TRDN: variants seen among roughly 807,000 people sequenced by gnomAD.
TRDN encodes the protein triadin.
Under a neutral mutation model 149.7 loss-of-function variants are expected in TRDN, and 161 were observed. The ratio of observed to expected loss-of-function variants is 1.08; its 90% CI spans 0.95 to 1.23. The LOEUF is 1.23. Among genes scored for constraint, TRDN ranks in the 50% most tolerant of loss-of-function variants. The probability of loss-of-function intolerance (pLI) is 0.00; values close to 1 mark genes in which losing one functional copy is unlikely to be tolerated. For missense variants in TRDN, 896 were observed against 823.5 expected, an observed-to-expected ratio of 1.09 and a Z score of -1.08; for synonymous variants, 294 against 250.5, an observed-to-expected ratio of 1.17 and a Z score of -1.64.
chr6:123,237,249 T>C (rs1416997693), intron 38 of TRDN, among the ~76,000 whole-genome samples: 1 of 152,132 alleles, frequency 6.6e-6, no homozygotes, highest in East Asian at 1.9e-4. Flanking sequence ...CTTTATACCC[T>C]ACTACTTTGT....
intron 2 of TRDN, among the ~76,000 whole-genome samples, chr6:123,561,293 G>A (rs1465720249): frequency 3.3e-5 from 5 of 152,066 alleles, no homozygotes; most frequent in Non-Finnish European, 7.4e-5. Context: ...TCAATCTTCA[G>A]GAATGGTAGA....
At chr6:123,220,140 T>G (rs1027517794) in intron 40 of TRDN, among the ~76,000 whole-genome samples, 2 of 151,878 alleles carry the variant, frequency 1.3e-5, no homozygotes, top group Non-Finnish European at 2.9e-5. Flanking sequence ...TGACACCATT[T>G]TACTAAAAGT....
chr6:123,606,198 A>G (rs919859395), intron 1 of TRDN, among the ~76,000 whole-genome samples: 2 of 152,144 alleles, frequency 1.3e-5, no homozygotes, highest in African/African-American at 4.8e-5. Flanking sequence ...TAGTTTAAGT[A>G]TCAACTTTAT....
chr6:123,492,032 A>C (rs1778245083), intron 9 of TRDN, among the ~76,000 whole-genome samples: 1 of 152,198 alleles, frequency 6.6e-6, no homozygotes, highest in Non-Finnish European at 1.5e-5. Flanking sequence ...ATCTTAATAA[A>C]ATGAGAGTAC....
At chr6:123,439,904 T>A (rs1774778917) in intron 10 of TRDN, 1 of 152,236 alleles carries the variant, frequency 6.6e-6, no homozygotes, top group Non-Finnish European at 1.5e-5. Context: ...CTGATTTTTA[T>A]CTTCAATTAG....
At chr6:123,569,299 A>T (rs1782442475) in intron 2 of TRDN, among the ~76,000 whole-genome samples, 1 of 152,132 alleles carries the variant, frequency 6.6e-6, no homozygotes. Flanking sequence ...TGTTCATATC[A>T]GTATCAGCAT....
chr6:123,384,301 T>C (rs1191125107), intron 14 of TRDN, among the ~76,000 whole-genome samples: 1 of 152,118 alleles, frequency 6.6e-6, no homozygotes, highest in Non-Finnish European at 1.5e-5. Context: ...AAGTTGTCAG[T>C]TAGTTTGACT....
chr6:123,247,386 G>C (rs1394972692), intron 38 of TRDN, among the ~76,000 whole-genome samples: 2 of 152,164 alleles, frequency 1.3e-5, no homozygotes, highest in Admixed American at 1.3e-4. Context: ...TAGCTAATAA[G>C]CAACTTCTGC....
At chr6:123,482,731 C>T (rs1777801176) in intron 9 of TRDN, among the ~76,000 whole-genome samples, 1 of 152,100 alleles carries the variant, frequency 6.6e-6, no homozygotes, top group Non-Finnish European at 1.5e-5. Flanking sequence ...TCTATTTGCA[C>T]TCACTTCCTA....
At chr6:123,558,689 A>AT (rs1454983319) in intron 2 of TRDN, among the ~76,000 whole-genome samples, 2 of 152,314 alleles carry the variant, frequency 1.3e-5, no homozygotes, top group Non-Finnish European at 2.9e-5. Context: ...TCCAAAAATT[A>AT]AATTCCAGCC....
intron 24 of TRDN, among the ~76,000 whole-genome samples, chr6:123,295,748 G>A (rs1028482254): frequency 6.6e-6 from 1 of 151,954 alleles, no homozygotes; most frequent in African/African-American, 2.4e-5. Flanking sequence ...TGGATCACTC[G>A]AGACCAGGAG....
chr6:123,407,397 T>G (rs920734088), intron 12 of TRDN, among the ~76,000 whole-genome samples: 1 of 152,178 alleles, frequency 6.6e-6, no homozygotes, highest in Non-Finnish European at 1.5e-5. Flanking sequence ...CCCTCCAAAG[T>G]AAATACTATC....
intron 16 of TRDN, among the ~76,000 whole-genome samples, chr6:123,380,021 A>C (rs2114411672): frequency 6.6e-6 from 1 of 152,328 alleles, no homozygotes; most frequent in Admixed American, 6.5e-5. Flanking sequence ...TCCAAATCAA[A>C]GAAATTCAAA....
chr6:123,580,413 G>T (rs1783065963), intron 1 of TRDN, among the ~76,000 whole-genome samples: 1 of 152,108 alleles, frequency 6.6e-6, no homozygotes, highest in African/African-American at 2.4e-5. Flanking sequence ...AACACTTTAA[G>T]CCTTGAGAAA....
intron 2 of TRDN, among the ~76,000 whole-genome samples, chr6:123,554,493 A>G (rs1385776281): frequency 6.6e-6 from 1 of 152,196 alleles, no homozygotes; most frequent in Non-Finnish European, 1.5e-5. Context: ...AAATATGTAT[A>G]TGAATATTTT....
chr6:123,586,311 A>T (rs796458539), intron 1 of TRDN, among the ~76,000 whole-genome samples: 1 of 152,116 alleles, frequency 6.6e-6, no homozygotes, highest in South Asian at 2.1e-4. Context: ...CCGGAGGCTG[A>T]GGAAGAATTG....
At chr6:123,453,890 G>GGTGTGTGTGTGTGTGT (rs533210679) in intron 10 of TRDN, among the ~76,000 whole-genome samples, 10 of 148,562 alleles carry the variant, frequency 6.7e-5, no homozygotes, top group South Asian at 4.3e-4. Context: ...AAGAAACTGT[G>GGTGTGTGTGTGTGTGT]GTGTGTGTGT....
At chr6:123,365,258 G>A (rs537634511) in intron 20 of TRDN, among the ~76,000 whole-genome samples, 13 of 151,848 alleles carry the variant, frequency 8.6e-5, no homozygotes, top group Non-Finnish European at 1.9e-4. Context: ...ACTAATTTTT[G>A]TTGCTTTCCC....
At chr6:123,536,150 A>C (rs1394048076) in intron 4 of TRDN, among the ~76,000 whole-genome samples, 1 of 152,196 alleles carries the variant, frequency 6.6e-6, no homozygotes, top group African/African-American at 2.4e-5. Context: ...GTGTCAAGTA[A>C]GCATCATGTG....
Sources: gnomAD v4.1 joint callset for allele counts (sites outside exome capture counted in the v4.1 genomes callset) on GRCh38, gnomAD v4.1.1 for gene constraint, MANE v1.5 for transcripts, NCBI Gene and HGNC (gene_info 2026-07-23, HGNC 2026-07-21) for gene names.